PI4KA: variants seen among roughly 807,000 people sequenced by gnomAD.
PI4KA encodes the protein PI4-kinase alpha.
Under a neutral mutation model 271.4 loss-of-function variants are expected in PI4KA, and 122 were observed. The ratio of observed to expected loss-of-function variants is 0.45; its 90% CI spans 0.39 to 0.52. PI4KA has a LOEUF of 0.52. PI4KA is among the 20% of genes least tolerant of loss of function. PI4KA has a pLI of 0.00. For missense variants in PI4KA, 1,969 were observed against 2,769.1 expected, an observed-to-expected ratio of 0.71 and a Z score of 6.48; for synonymous variants, 1,041 against 1,078.8, an observed-to-expected ratio of 0.96 and a Z score of 0.69.
chr22:20,734,321 A>AC, intron 33 of PI4KA, 74 bp downstream of exon 33: 1 of 1,377,194 alleles, frequency 7.3e-7, no homozygotes, highest in Non-Finnish European at 9.9e-7. Context: ...GGGCTCGGCT[A>AC]CCCCCACCCC....
Position 20,799,110 on chromosome 22 carries a change from G to C in PI4KA, c.1987C>G (p.Leu663Val). ...DVLIIDQLGC[L>V]VITGNQYIYQ... ...TCCCTTACATTTCCGGTGATAACCAGGCAGCCCAGCTGGTCAATAATCAGC... is the reference window on the plus strand; with the variant it reads ...TCCCTTACATTTCCGGTGATAACCACGCAGCCCAGCTGGTCAATAATCAGC... Residue 663 changes from leucine to valine, a missense_variant, in exon 16 of 55, where the codon CTG becomes GTG. Leu to Val is a conservative substitution (Grantham distance 32). Transcript: ENST00000255882. The C allele has an allele frequency of 5.0e-6, 8 of 1,613,608 alleles. No individual in the cohort carries two copies. The highest frequency in any genetic ancestry group is 6.8e-6 in the Non-Finnish European group (8 of 1,179,868).
chr22:20,785,613 T>A (rs1934155160), intron 19 of PI4KA, among the ~76,000 whole-genome samples: 1 of 152,104 alleles, frequency 6.6e-6, no homozygotes, highest in Non-Finnish European at 1.5e-5. Context: ...AGGTTCTTTT[T>A]AAAAGTACAC....
At chr22:20,788,908 T>C (rs1166478498) in intron 19 of PI4KA, among the ~76,000 whole-genome samples, 1 of 152,204 alleles carries the variant, frequency 6.6e-6, no homozygotes, top group Non-Finnish European at 1.5e-5. Context: ...AAAAACCCTT[T>C]TAGTCCTTTG....
At chr22:20,722,407 G>C (rs1434521894) in intron 42 of PI4KA, among the ~76,000 whole-genome samples, 1 of 152,062 alleles carries the variant, frequency 6.6e-6, no homozygotes, top group Non-Finnish European at 1.5e-5. Context: ...GGCTGGTCTT[G>C]AACTCCTCAC....
chr22:20,720,474 C>G (rs1332523418), intron 43 of PI4KA, among the ~76,000 whole-genome samples: 2 of 152,148 alleles, frequency 1.3e-5, no homozygotes, highest in Non-Finnish European at 2.9e-5. Context: ...ATCGCTTAAG[C>G]CCAGGTGGTC....
chr22:20,810,323 G>A (rs561577611), intron 9 of PI4KA, among the ~76,000 whole-genome samples: 10 of 152,128 alleles, frequency 6.6e-5, no homozygotes, highest in African/African-American at 2.2e-4. Flanking sequence ...TGGCTAACAC[G>A]GTAAAACCCA....
chr22:20,746,224 G>A (rs370133000), intron 29 of PI4KA, among the ~76,000 whole-genome samples: 47 of 151,662 alleles, frequency 3.1e-4, no homozygotes, highest in Middle Eastern at 6.8e-3. Context: ...CACCATGCCC[G>A]GCTAATTTTT....
At chr22:20,831,021 C>T (rs1327194932) in intron 3 of PI4KA, among the ~76,000 whole-genome samples, 2 of 152,090 alleles carry the variant, frequency 1.3e-5, no homozygotes, top group Non-Finnish European at 2.9e-5. Context: ...GTTCCATCCG[C>T]CTTAGACTCC....
At chr22:20,850,433 T>A (rs527449864) in intron 1 of PI4KA, among the ~76,000 whole-genome samples, 58 of 147,408 alleles carry the variant, frequency 3.9e-4, no homozygotes, top group South Asian at 3.1e-3. Context: ...GGACTATAAA[T>A]ACTCATTTAA....
At chr22:20,789,277 G>A (rs1934476855) in intron 19 of PI4KA, among the ~76,000 whole-genome samples, 1 of 152,178 alleles carries the variant, frequency 6.6e-6, no homozygotes, top group Non-Finnish European at 1.5e-5. Flanking sequence ...GGATTGCTGT[G>A]AGGATTAATC....
intron 1 of PI4KA, among the ~76,000 whole-genome samples, chr22:20,839,212 G>A (rs200047626): frequency 4.0e-5 from 6 of 149,916 alleles, no homozygotes; most frequent in Non-Finnish European, 5.9e-5. Flanking sequence ...ACAAGACTCT[G>A]TCTCAAAAAC....
At chr22:20,801,381 T>A (rs1292257753) in intron 14 of PI4KA, among the ~76,000 whole-genome samples, 1 of 149,728 alleles carries the variant, frequency 6.7e-6, no homozygotes, top group African/African-American at 2.5e-5. Context: ...GTCACAAGTT[T>A]GAGACCAGTC....
chr22:20,836,074 C>T (rs1232562475), intron 2 of PI4KA, among the ~76,000 whole-genome samples: 1 of 151,746 alleles, frequency 6.6e-6, no homozygotes, highest in Non-Finnish European at 1.5e-5. Context: ...CAAAACAAAA[C>T]AAAACAAAAC....
At chr22:20,760,104 G>T (rs1380685770) in intron 23 of PI4KA, among the ~76,000 whole-genome samples, 3 of 152,206 alleles carry the variant, frequency 2.0e-5, no homozygotes, top group African/African-American at 7.2e-5. Context: ...GGCTTCTGGT[G>T]CGGAAAGGAC....
chr22:20,791,849 C>T (rs941857128), intron 19 of PI4KA, among the ~76,000 whole-genome samples: 3 of 152,178 alleles, frequency 2.0e-5, no homozygotes, highest in African/African-American at 7.2e-5. Flanking sequence ...ACCTGTAATA[C>T]CAGCACTTTG....
intron 9 of PI4KA, among the ~76,000 whole-genome samples, chr22:20,808,033 G>A (rs909828591): frequency 2.6e-5 from 4 of 152,144 alleles, no homozygotes; most frequent in African/African-American, 9.7e-5. Context: ...GCTCACGCCT[G>A]TAATCCCAGC....
rs1935201659 is a variant in PI4KA at position 20,799,906 on chromosome 22, A to G, written c.1725-140T>C. The G allele has an allele frequency of 6.7e-6, 4 of 597,966 alleles. 1 individual carries two copies. The highest frequency in any genetic ancestry group is 6.4e-5 in the South Asian group (3 of 47,178). The allele number at this position is 597,966 out of a possible 1,614,324, so 37.0% of individuals were successfully genotyped here. On this transcript the variant is annotated intron_variant, in intron 14 of 54. Coordinates refer to ENST00000255882, the MANE Select transcript of PI4KA (RefSeq NM_058004.4). Reference sequence around the variant, plus strand: ...TTCCCCCCAAATTGGAGGTCATAACACAGAATGAATTCAAAGAATTACTCC... The same window carrying G: ...TTCCCCCCAAATTGGAGGTCATAACGCAGAATGAATTCAAAGAATTACTCC...
intron 1 of PI4KA, among the ~76,000 whole-genome samples, chr22:20,841,462 CAACTAAA>C (rs71660077): frequency 0.026 from 3,976 of 152,224 alleles, 170 homozygotes; most frequent in African/African-American, 0.091. Context: ...TATCCCCACT[CAACTAAA>C]AACATTTAAA....
At chr22:20,858,455 GCA>G in intron 1 of PI4KA, 113 bp downstream of exon 1, 1 of 713,450 alleles carries the variant, frequency 1.4e-6, no homozygotes, top group Non-Finnish European at 1.9e-6. Context: ...GCCCCCTCCC[GCA>G]CAGGCTGCCG....
Sources: gnomAD v4.1 joint callset for allele counts (sites outside exome capture counted in the v4.1 genomes callset) on GRCh38, gnomAD v4.1.1 for gene constraint, MANE v1.5 for transcripts, NCBI Gene and HGNC (gene_info 2026-07-23, HGNC 2026-07-21) for gene names.